Variants in KIAA2012 observed in about 807,000 individuals in gnomAD.
The protein encoded by KIAA2012 is KIAA2012.
KIAA2012 carries 125 observed loss-of-function variants against 150.6 expected under a neutral mutation model. The observed-to-expected ratio is 0.83, with a 90% CI of 0.72 to 0.96. The LOEUF (loss-of-function observed/expected upper bound fraction) is 0.96. Among genes scored for constraint, KIAA2012 ranks in the 40% least tolerant of loss-of-function variants. KIAA2012 has a pLI of 0.00. For missense variants in KIAA2012, 1,219 were observed against 1,354.9 expected (o/e 0.90, Z 1.57); for synonymous variants, 462 against 504.7 (o/e 0.92, Z 1.13).
intron 9 of KIAA2012, among the ~76,000 whole-genome samples, chr2:202,107,607 T>C (rs1335289194): frequency 6.6e-6 from 1 of 152,170 alleles, no homozygotes; most frequent in African/African-American, 2.4e-5. Context: ...TACCAGAACT[T>C]GTCCCTCCTC....
intron 23 of KIAA2012, among the ~76,000 whole-genome samples, chr2:202,204,579 T>C (rs1430607344): frequency 6.6e-6 from 1 of 152,180 alleles, no homozygotes; most frequent in Non-Finnish European, 1.5e-5. Flanking sequence ...AAGCTTAATA[T>C]TTGCAAGTAA....
chr2:202,113,233 C>A, intron 10 of KIAA2012, 103 bp from the exon 11 acceptor site: 1 of 788,772 alleles, frequency 1.3e-6, no homozygotes, highest in Non-Finnish European at 2.1e-6. Context: ...TAGGCATCTA[C>A]GGGTGTGTGC....
At chr2:202,127,964 C>T (rs958759693) in intron 12 of KIAA2012, among the ~76,000 whole-genome samples, 14 of 151,926 alleles carry the variant, frequency 9.2e-5, no homozygotes, top group African/African-American at 3.1e-4. Context: ...AACTCCCCCT[C>T]CTCCCTCCCC....
chr2:202,164,772 T>C (rs1447911017), intron 14 of KIAA2012, among the ~76,000 whole-genome samples: 1 of 152,210 alleles, frequency 6.6e-6, no homozygotes, highest in African/African-American at 2.4e-5. Context: ...CTTCTGCTAG[T>C]TGGCCTCTGT....
intron 4 of KIAA2012, among the ~76,000 whole-genome samples, chr2:202,095,952 T>C (rs1008292060): frequency 1.1e-4 from 16 of 151,984 alleles, no homozygotes; most frequent in Non-Finnish European, 1.0e-4. Flanking sequence ...GGCATGGTGG[T>C]GCATGCCTAT....
chr2:202,174,407 A>G (rs574528457), intron 15 of KIAA2012, among the ~76,000 whole-genome samples: 3 of 152,334 alleles, frequency 2.0e-5, no homozygotes, highest in Admixed American at 6.5e-5. Context: ...GAGGAAAATG[A>G]CACTGGTATT....
chr2:202,203,566 T>G (rs1442536946), intron 23 of KIAA2012, among the ~76,000 whole-genome samples: 1 of 152,204 alleles, frequency 6.6e-6, no homozygotes, highest in Non-Finnish European at 1.5e-5. Flanking sequence ...CCATTTCAAG[T>G]GCTCAGTGGT....
At chr2:202,186,004 T>A (rs530729933) in intron 16 of KIAA2012, among the ~76,000 whole-genome samples, 74 of 152,012 alleles carry the variant, frequency 4.9e-4, no homozygotes, top group African/African-American at 1.7e-3. Context: ...CTAAAAAAAA[T>A]AAAATAAAAT....
At chr2:202,112,663 C>A (rs535202947) in intron 10 of KIAA2012, among the ~76,000 whole-genome samples, 1 of 152,314 alleles carries the variant, frequency 6.6e-6, no homozygotes, top group South Asian at 2.1e-4. Context: ...ATAGGACAAC[C>A]AGTTGGTATC....
chr2:202,201,138 C>T (rs1483304204), intron 22 of KIAA2012, among the ~76,000 whole-genome samples: 3 of 152,150 alleles, frequency 2.0e-5, no homozygotes, highest in African/African-American at 4.8e-5. Flanking sequence ...AGGGCAGCTT[C>T]GCCCACATTC....
At chr2:202,105,687 G>C (rs559302640) in intron 8 of KIAA2012, 74 bp from the exon 9 acceptor site, 1 of 1,505,108 alleles carries the variant, frequency 6.6e-7, no homozygotes, top group South Asian at 1.3e-5. Context: ...GGAAGGGATA[G>C]GTCCCCAAAA....
Position 202,160,639 on chromosome 2 carries a change from T to C in KIAA2012, c.2047-4645T>C, listed in dbSNP as rs567617497. 1.6e-4 allele frequency among the ~76,000 whole-genome samples: 25 copies of C among 152,328 alleles called. No individual in the cohort carries two copies. In the South Asian group the frequency reaches 4.3e-3, roughly 26 times the overall value. On this transcript the variant is annotated intron_variant, in intron 14 of 23. Coordinates refer to ENST00000498697, the MANE Select transcript of KIAA2012 (RefSeq NM_001277372.4). Reference sequence around the variant, plus strand: ...AAATCATAGTCTTTAACAAAGACAATGTAGGGGACTTTTCTGTTACACAGG... The same window carrying C: ...AAATCATAGTCTTTAACAAAGACAACGTAGGGGACTTTTCTGTTACACAGG...
At chr2:202,204,619 A>C (rs1692604027) in intron 23 of KIAA2012, among the ~76,000 whole-genome samples, 1 of 152,168 alleles carries the variant, frequency 6.6e-6, no homozygotes, top group Non-Finnish European at 1.5e-5. Flanking sequence ...AATGTTTGTA[A>C]GGTATTTGCT....
intron 14 of KIAA2012, among the ~76,000 whole-genome samples, chr2:202,158,355 T>TA (rs1691579572): frequency 6.6e-6 from 1 of 152,086 alleles, no homozygotes; most frequent in South Asian, 2.1e-4. Context: ...GCACTGAGGA[T>TA]ACAGAGATGA....
At chr2:202,149,214 G>A (rs969749931) in intron 13 of KIAA2012, among the ~76,000 whole-genome samples, 14 of 152,232 alleles carry the variant, frequency 9.2e-5, no homozygotes, top group African/African-American at 2.6e-4. Context: ...CAACCAAGGG[G>A]AGTCAAAGGA....
chr2:202,094,280 C>G (rs1365756778), intron 4 of KIAA2012, among the ~76,000 whole-genome samples: 1 of 152,160 alleles, frequency 6.6e-6, no homozygotes, highest in Non-Finnish European at 1.5e-5. Context: ...GAGACCCTGT[C>G]TCTAAAATAT....
intron 13 of KIAA2012, among the ~76,000 whole-genome samples, chr2:202,143,898 A>G (rs2105947106): frequency 6.6e-6 from 1 of 152,308 alleles, no homozygotes; most frequent in South Asian, 2.1e-4. Context: ...ATTGGAACTC[A>G]GAGCATAAAA....
intron 23 of KIAA2012, among the ~76,000 whole-genome samples, chr2:202,202,964 A>G (rs536933203): frequency 4.6e-5 from 7 of 151,768 alleles, no homozygotes; most frequent in South Asian, 2.1e-4. Context: ...TCTGAGCCCA[A>G]TTAGTTAGTT....
At position 202,105,269 on chromosome 2, in the gene KIAA2012, GAGGGAAGGA is replaced by G. The variant is rs60374486; in HGVS notation, c.1325-479_1325-471del. On this transcript the variant is annotated intron_variant, in intron 8 of 23. Coordinates refer to ENST00000498697, the MANE Select transcript of KIAA2012 (RefSeq NM_001277372.4). ...GGAGGGAGGGAGAGAGGAAAGGAAG[GAGGGAAGGA>G]AGGGAAGGAAGGAAGGAAGGAATTT... is the stretch of plus-strand genomic sequence containing the variant. Among the ~76,000 whole-genome samples the G allele has an allele frequency of 1.7e-3, 251 of 150,334 alleles. 1 individual carries two copies. Among genetic ancestry groups the G allele is most frequent in the Non-Finnish European group, 3.0e-3 (204 of 67,686 alleles).
Sources: gnomAD v4.1 joint callset for allele counts (sites outside exome capture counted in the v4.1 genomes callset) on GRCh38, gnomAD v4.1.1 for gene constraint, MANE v1.5 for transcripts, NCBI Gene and HGNC (gene_info 2026-07-23, HGNC 2026-07-21) for gene names.